MPZL1: variants seen among roughly 807,000 people sequenced by gnomAD.
MPZL1 encodes myelin protein zero like 1.
In MPZL1, 16 loss-of-function variants were observed where a neutral mutation model predicts 29.3. The ratio of observed to expected loss-of-function variants is 0.55; its 90% CI spans 0.37 to 0.83. MPZL1 has a LOEUF of 0.83. Among genes scored for constraint, MPZL1 ranks in the 40% least tolerant of loss-of-function variants. The pLI is 0.00. For synonymous variants in MPZL1, 143 were observed against 132.0 expected (o/e 1.08, Z -0.57); for missense variants, 279 against 332.9 (o/e 0.84, Z 1.26).
At chr1:167,775,378 C>T (rs1376626932) in intron 4 of MPZL1, among the ~76,000 whole-genome samples, 6 of 152,184 alleles carry the variant, frequency 3.9e-5, no homozygotes, top group Non-Finnish European at 8.8e-5. Context: ...CTACGCTGTA[C>T]CCCAGCTTTC....
At chr1:167,726,392 C>T (rs57374858) in intron 1 of MPZL1, among the ~76,000 whole-genome samples, 1 of 152,110 alleles carries the variant, frequency 6.6e-6, no homozygotes, top group East Asian at 1.9e-4. Context: ...CCATCAGAAT[C>T]TGGGACAGAC....
chr1:167,780,825 C>T lies in MPZL1; in HGVS notation c.708+4659C>T, dbSNP rs546017857. ...TTGGTTGCACAAGGATGTAAATGCA[C>T]TTAACACTACTAAGCTGTACACTTT... On this transcript the variant is annotated intron_variant, in intron 5 of 5. Transcript: ENST00000359523. 3.8e-4 allele frequency among the ~76,000 whole-genome samples: 58 copies of T among 152,236 alleles called. 1 individual carries two copies. Among genetic ancestry groups the T allele is most frequent in the African/African-American group, 1.4e-3 (57 of 41,570 alleles).
rs200991807 is a variant in MPZL1 at position 167,737,972 on chromosome 1, C to CTGGA, written c.91+15731_91+15734dup. 6.1e-4 allele frequency among the ~76,000 whole-genome samples: 93 copies of CTGGA among 152,270 alleles called. No individual in the cohort carries two copies. The East Asian group carries it at 7.9e-3, about 13-fold the overall frequency. ...AGACAGAGTCTTGCTCTCGCTCAGG[C>CTGGA]TGGAGTGCAGTGGCGCAATCTCGGC... is the stretch of plus-strand genomic sequence containing the variant. On this transcript the variant is annotated intron_variant, in intron 1 of 5. Transcript: ENST00000359523.
chr1:167,760,785 G>GTCTT (rs1660970786), intron 1 of MPZL1, among the ~76,000 whole-genome samples: 1 of 138,088 alleles, frequency 7.2e-6, no homozygotes, highest in Non-Finnish European at 1.6e-5. Flanking sequence ...GTGTGTGTGT[G>GTCTT]TGTGTGTGTA....
At chr1:167,744,616 A>G in intron 1 of MPZL1, among the ~76,000 whole-genome samples, 1 of 150,530 alleles carries the variant, frequency 6.6e-6, no homozygotes, top group African/African-American at 2.4e-5. Flanking sequence ...CCCGGGGGTC[A>G]GAGGTTGCAG....
At chr1:167,745,138 C>T (rs2101762253) in intron 1 of MPZL1, among the ~76,000 whole-genome samples, 1 of 152,166 alleles carries the variant, frequency 6.6e-6, no homozygotes, top group South Asian at 2.1e-4. Context: ...GAGTGAAGGT[C>T]CTTATATGCC....
chr1:167,732,527 C>T (rs866252443), intron 1 of MPZL1, among the ~76,000 whole-genome samples: 15 of 152,280 alleles, frequency 9.9e-5, no homozygotes, highest in Middle Eastern at 3.4e-3. Context: ...GTCAAAGTTC[C>T]CTGTAGCCTC....
At chr1:167,757,156 A>T (rs1230798270) in intron 1 of MPZL1, among the ~76,000 whole-genome samples, 1 of 152,184 alleles carries the variant, frequency 6.6e-6, no homozygotes, top group Non-Finnish European at 1.5e-5. Flanking sequence ...AGCCCACTTC[A>T]GCTGCAGGGT....
intron 1 of MPZL1, among the ~76,000 whole-genome samples, chr1:167,754,226 T>A (rs1660821154): frequency 6.6e-6 from 1 of 151,986 alleles, no homozygotes. Flanking sequence ...CTTGAACTCC[T>A]GAGCTCAAGC....
intron 1 of MPZL1, among the ~76,000 whole-genome samples, chr1:167,759,929 G>C (rs7548920): frequency 6.6e-6 from 1 of 152,178 alleles, no homozygotes; most frequent in Non-Finnish European, 1.5e-5. Flanking sequence ...GTAGGACTTT[G>C]TAGGCCACTT....
At chr1:167,766,748 G>A (rs372876468) in intron 2 of MPZL1, among the ~76,000 whole-genome samples, 1 of 152,082 alleles carries the variant, frequency 6.6e-6, no homozygotes, top group Non-Finnish European at 1.5e-5. Flanking sequence ...AGACAGGGTG[G>A]GGAGGATGGG....
chr1:167,765,956 C>G (rs1208021790), intron 2 of MPZL1: 1 of 367,870 alleles, frequency 2.7e-6, no homozygotes, highest in Admixed American at 4.7e-5. Context: ...TGATCAGTTC[C>G]TCTCCACCAT....
chr1:167,760,246 C>A (rs954717214), intron 1 of MPZL1, among the ~76,000 whole-genome samples: 1 of 152,058 alleles, frequency 6.6e-6, no homozygotes, highest in Non-Finnish European at 1.5e-5. Flanking sequence ...TCTGTCACCC[C>A]GCCCAGAGTG....
At chr1:167,772,943 CTGTT>C (rs1056574998) in intron 3 of MPZL1, among the ~76,000 whole-genome samples, 5 of 152,160 alleles carry the variant, frequency 3.3e-5, no homozygotes, top group African/African-American at 1.2e-4. Context: ...GAGACAAAGT[CTGTT>C]TTGTTGGAGA....
At chr1:167,752,308 A>T (rs577762621) in intron 1 of MPZL1, among the ~76,000 whole-genome samples, 152 of 152,082 alleles carry the variant, frequency 1.0e-3, no homozygotes, top group Non-Finnish European at 9.4e-4. Flanking sequence ...CTTCAGGGGG[A>T]TGGTTTAGTA....
chr1:167,773,525 C>A, intron 4 of MPZL1, 157 bp downstream of exon 4: 2 of 789,976 alleles, frequency 2.5e-6, no homozygotes, highest in South Asian at 2.3e-5. Flanking sequence ...CTAACATGGG[C>A]AAGTGGAAAT....
intron 1 of MPZL1, among the ~76,000 whole-genome samples, chr1:167,738,993 A>G (rs1279663365): frequency 6.6e-6 from 1 of 151,902 alleles, no homozygotes; most frequent in Non-Finnish European, 1.5e-5. Context: ...CCCGGGCTGG[A>G]GTACAGTGGC....
At chr1:167,748,417 G>A (rs1164135275) in intron 1 of MPZL1, among the ~76,000 whole-genome samples, 1 of 152,134 alleles carries the variant, frequency 6.6e-6, no homozygotes, top group Non-Finnish European at 1.5e-5. Context: ...ACCATTAAGT[G>A]CTTATTGGCT....
intron 1 of MPZL1, among the ~76,000 whole-genome samples, chr1:167,743,964 T>A (rs538330176): frequency 7.9e-5 from 12 of 151,878 alleles, no homozygotes; most frequent in Non-Finnish European, 8.8e-5. Flanking sequence ...GTGGTAAGAG[T>A]GGGCATCTTT....
Sources: allele counts gnomAD v4.1 joint callset (sites outside exome capture counted in the v4.1 genomes callset), GRCh38; gene constraint gnomAD v4.1.1; transcripts MANE v1.5; gene names NCBI Gene and HGNC (gene_info 2026-07-23, HGNC 2026-07-21).